STXBP2: variants seen among roughly 807,000 people sequenced by gnomAD.
STXBP2 encodes the protein syntaxin binding protein 2.
A neutral mutation model predicts 72.2 loss-of-function variants in STXBP2; 47 were observed. That is an observed-to-expected ratio of 0.65 (90% CI 0.51 to 0.83). The LOEUF (loss-of-function observed/expected upper bound fraction) is 0.83. Ranked by LOEUF, STXBP2 falls within the 40% of genes least tolerant of loss-of-function variation. The pLI is 0.00. For missense variants in STXBP2, 702 were observed against 807.6 expected (o/e 0.87, Z 1.58); for synonymous variants, 367 against 338.7 (o/e 1.08, Z -0.92).
chr19:7,634,784 T>C (rs1449647899), upstream of STXBP2, among the ~76,000 whole-genome samples: 1 of 152,252 alleles, frequency 6.6e-6, no homozygotes, highest in African/African-American at 2.4e-5. Context: ...GGAGCCCTCC[T>C]TGCCCCTCCC....
chr19:7,634,502 G>C (rs898247644), upstream of STXBP2, among the ~76,000 whole-genome samples: 1 of 152,152 alleles, frequency 6.6e-6, no homozygotes, highest in Non-Finnish European at 1.5e-5. Flanking sequence ...AAGTGTCATA[G>C]ACCAGATGGC....
At chr19:7,629,815 G>C in the STXBP2 span, 3 of 1,536,996 alleles carry the variant, frequency 2.0e-6, no homozygotes, top group Non-Finnish European at 2.6e-6. Flanking sequence ...AACTGGCTTT[G>C]TTGACCGGGA....
intron 6 of STXBP2, 81 bp from the exon 7 acceptor site, chr19:7,641,624 G>A: frequency 6.5e-7 from 1 of 1,538,038 alleles, no homozygotes; most frequent in Non-Finnish European, 8.8e-7. Context: ...CTCCCAGGAG[G>A]TGCAGGTGGC....
rs759396575 is a variant in STXBP2 at position 7,640,889 on chromosome 19, C to T, written c.326-11C>T. On this transcript the variant is annotated splice_polypyrimidine_tract_variant and intron_variant, in intron 5 of 18. Transcript: ENST00000221283. Reference sequence around the variant, plus strand: ...GCTCTGGCCTGATGCCCCACTCCTGCCTCACCCCAGCCTGCCCCGAGCCCC... The same window carrying T: ...GCTCTGGCCTGATGCCCCACTCCTGTCTCACCCCAGCCTGCCCCGAGCCCC... The T allele has an allele frequency of 9.9e-6, 16 of 1,614,086 alleles. No homozygotes were observed. The highest frequency in any genetic ancestry group is 1.4e-5 in the Non-Finnish European group (16 of 1,179,970).
chr19:7,642,396 C>G lies in STXBP2; in HGVS notation c.795-33C>G. On this transcript the variant is annotated intron_variant, in intron 9 of 18. Transcript: ENST00000221283. This position sits in a 1 kb window ranked among gnomAD's most constrained non-coding sequence, Gnocchi z 6.0. The stretch of plus-strand genomic sequence containing the variant: ...GACCTGGTTCCCCAGTCCTCAGCTC[C>G]CCTGACCCCCAGGCTCCCTCCTTCC... The G allele has an allele frequency of 6.2e-7, 1 of 1,613,696 alleles. No homozygotes were observed. Among genetic ancestry groups the G allele is most frequent in the Non-Finnish European group, 8.5e-7 (1 of 1,179,676 alleles).
rs554822414 is a variant in STXBP2 at position 7,639,363 on chromosome 19, C to T, written c.169+263C>T. On this transcript the variant is annotated intron_variant, in intron 3 of 18. Transcript: ENST00000221283. ...CCCCTTCCTGACCGTGCAGCTCCCTCGTGGAGCCCTGTGTGGGACTCCCAG... is the reference window on the plus strand; with the variant it reads ...CCCCTTCCTGACCGTGCAGCTCCCTTGTGGAGCCCTGTGTGGGACTCCCAG... 112 of 602,436 alleles carry T rather than the reference C, an allele frequency of 1.9e-4. No homozygotes were observed. The East Asian group carries it at 3.1e-3, about 17-fold the overall frequency. The allele number at this position is 602,436 out of a possible 1,614,324, so 37.3% of individuals were successfully genotyped here.
chr19:7,641,065 C>T (rs1162948770), intron 6 of STXBP2, 62 bp downstream of exon 6: 1 of 1,554,980 alleles, frequency 6.4e-7, no homozygotes, highest in Non-Finnish European at 8.8e-7. Flanking sequence ...CCCCTGTTCC[C>T]TCAGAAACAG....
At chr19:7,644,502 G>A (rs1275770138) in intron 13 of STXBP2, 112 bp from the exon 14 acceptor site, 3 of 1,453,470 alleles carry the variant, frequency 2.1e-6, no homozygotes, top group African/African-American at 1.4e-5. Context: ...CTGAGATGAG[G>A]TAGGACCCAA....
intron 1 of STXBP2, among the ~76,000 whole-genome samples, chr19:7,637,843 A>G (rs1568462586): frequency 6.6e-6 from 1 of 152,024 alleles, no homozygotes; most frequent in Non-Finnish European, 1.5e-5. Flanking sequence ...GGGCGGGGCC[A>G]CCCCGTTACT....
chr19:7,630,872 A>AGG, the STXBP2 span: 4 of 1,537,080 alleles, frequency 2.6e-6, no homozygotes, highest in Non-Finnish European at 3.5e-6. Context: ...TTCCTGCCAG[A>AGG]GGGATGGAGG....
At position 7,647,742 on chromosome 19, in the gene STXBP2, AC is replaced by A; in HGVS notation, c.1718del (p.Pro573ArgfsTer8). ...CTGCACAGGCTCCTCACACATCCTC[AC>A]CCCGACCCGCTTCCTGGATGACCTG... is the stretch of plus-strand genomic sequence containing the variant. Reference protein sequence around the residue: ...EVLIGSSHILTPTRFLDDLKA... With the variant: ...EVLIGSSHILXPTRFLDDLKA... On this transcript the variant is annotated frameshift_variant, in exon 19 of 19. Transcript: ENST00000221283. LOFTEE classifies it high-confidence loss of function. 3 of 1,613,494 alleles carry A rather than the reference AC, an allele frequency of 1.9e-6. No homozygotes were observed. Among genetic ancestry groups the A allele is most frequent in the Non-Finnish European group, 2.5e-6 (3 of 1,179,840 alleles).
Position 7,644,925 on chromosome 19 carries a change from C to T in STXBP2, c.1246+173C>T, listed in dbSNP as rs1456042538. On this transcript the variant is annotated intron_variant, in intron 14 of 18. Coordinates refer to ENST00000221283, the MANE Select transcript of STXBP2 (RefSeq NM_006949.4). ...CCCTCCTCCATTGGCTTGGGGATTCCTCCACTGAGGTGAGGGCTCCCTGCT... is the reference window on the plus strand; with the variant it reads ...CCCTCCTCCATTGGCTTGGGGATTCTTCCACTGAGGTGAGGGCTCCCTGCT... 3 of 1,466,444 alleles carry T rather than the reference C, an allele frequency of 2.0e-6. 1 individual carries two copies. In the South Asian group the frequency reaches 4.2e-5, roughly 20 times the overall value. The allele number at this position is 1,466,444 out of a possible 1,614,324, so 90.8% of individuals were successfully genotyped here. A position where few individuals can be genotyped will look rare whatever the true frequency, so the allele number is the denominator to read the frequency against.
At chr19:7,630,894 T>C in the STXBP2 span, 1 of 1,536,398 alleles carries the variant, frequency 6.5e-7, no homozygotes, top group Admixed American at 2.0e-5. Flanking sequence ...GGCTGGATTC[T>C]TGTATCCGGG....
chr19:7,632,740 C>G, upstream of STXBP2: 1 of 1,563,766 alleles, frequency 6.4e-7, no homozygotes, highest in Non-Finnish European at 8.6e-7. This position sits in a 1 kb window ranked among gnomAD's most constrained non-coding sequence, Gnocchi z 5.2. Context: ...TGGCCCGGCC[C>G]GGCTTGCAGT....
At position 7,647,340 on chromosome 19, in the gene STXBP2, C is replaced by G. The variant is rs2032178636; in HGVS notation, c.1539-14C>G. 6.2e-7 allele frequency: 1 copy of G among 1,612,992 alleles called. No individual in the cohort carries two copies. Among genetic ancestry groups the G allele is most frequent in the Non-Finnish European group, 8.5e-7 (1 of 1,179,926 alleles). On this transcript the variant is annotated splice_polypyrimidine_tract_variant and intron_variant, in intron 17 of 18. Coordinates refer to ENST00000221283, the MANE Select transcript of STXBP2 (RefSeq NM_006949.4). ...GGGCCTCCTGCCTGGACTTTCTGCCCCTGCCCTGCACAGTGCCCGCTTCGG... is the reference window on the plus strand; with the variant it reads ...GGGCCTCCTGCCTGGACTTTCTGCCGCTGCCCTGCACAGTGCCCGCTTCGG...
intron 12 of STXBP2, 48 bp downstream of exon 12, chr19:7,643,096 C>T: frequency 6.2e-7 from 1 of 1,614,064 alleles, no homozygotes. Flanking sequence ...CCCTCAACCC[C>T]ATGCTCTGTC....
the STXBP2 span, chr19:7,631,499 G>C: frequency 2.6e-6 from 4 of 1,536,680 alleles, no homozygotes; most frequent in African/African-American, 1.4e-5. Context: ...AATTCAAAGA[G>C]AGGTTACGGA....
At chr19:7,643,143 A>C in intron 12 of STXBP2, 22 bp from the exon 13 acceptor site, 1 of 1,612,486 alleles carries the variant, frequency 6.2e-7, no homozygotes. Flanking sequence ...TTATCCCCCA[A>C]CCCCCACCCT....
In STXBP2 at chr19:7,642,469, G is replaced by A. The variant is rs753242709; in HGVS notation, c.835G>A (p.Val279Ile). The change falls in exon 10 of 19, where the codon GTC becomes ATC. Residue 279 changes from valine to isoleucine, a missense_variant. Val to Ile is a conservative substitution (Grantham distance 29, BLOSUM62 3). Coordinates refer to ENST00000221283, the MANE Select transcript of STXBP2 (RefSeq NM_006949.4). The surrounding 1 kb of genome is among the most constrained non-coding windows in gnomAD (Gnocchi z 6.0). ...TGLSEAREKAVLLDEDDDLWV... is the reference protein window; with the variant it reads ...TGLSEAREKAILLDEDDDLWV... ...GCTGAGCGAGGCGCGGGAGAAGGCCGTCTTGCTGGACGAGGACGATGACTT... is the reference window on the plus strand; with the variant it reads ...GCTGAGCGAGGCGCGGGAGAAGGCCATCTTGCTGGACGAGGACGATGACTT... 2.0e-5 allele frequency: 33 copies of A among 1,613,892 alleles called. No individual in the cohort carries two copies. The highest frequency in any genetic ancestry group is 4.5e-5 in the East Asian group (2 of 44,896).
Sources: gnomAD v4.1 joint callset for allele counts (sites outside exome capture counted in the v4.1 genomes callset) on GRCh38, gnomAD v4.1.1 for gene constraint, Gnocchi (gnomAD v3.1) non-coding constraint, MANE v1.5 for transcripts, NCBI Gene and HGNC (gene_info 2026-07-23, HGNC 2026-07-21) for gene names.